PEG3: variants seen among roughly 807,000 people sequenced by gnomAD.
The protein encoded by PEG3 is paternally expressed 3.
Under a neutral mutation model 35.5 loss-of-function variants are expected in PEG3, and 23 were observed. The ratio of observed to expected loss-of-function variants is 0.65; its 90% CI spans 0.47 to 0.92. The LOEUF (loss-of-function observed/expected upper bound fraction) is 0.92, where lower values mean the gene tolerates loss of function less well. Ranked by LOEUF, PEG3 falls within the 40% of genes least tolerant of loss-of-function variation. The pLI is 0.00. For synonymous variants in PEG3, 707 were observed against 697.0 expected, an observed-to-expected ratio of 1.01 and a Z score of -0.23; for missense variants, 1,960 against 1,985.3, an observed-to-expected ratio of 0.99 and a Z score of 0.24.
chr19:56,815,928 T>C lies in PEG3; in HGVS notation c.2514A>G (p.Leu838=). 6.2e-7 allele frequency: 1 copy of C among 1,607,434 alleles called. No homozygotes were observed. The highest frequency in any genetic ancestry group is 8.5e-7 in the Non-Finnish European group (1 of 1,176,622). ...REYSRSVIHS[L]VASKPPRSHN... is the part of the protein sequence containing the mutation. ...GACTTCTTGGAGGTTTGGAAGCCAC[T>C]AAGCTATGGATAACAGACCTACTGT... The change falls in exon 10 of 10, where the codon TTA becomes TTG. Residue 838 remains leucine, a synonymous_variant. Transcript: ENST00000326441.
rs2059517002 is a variant in PEG3, at chr19:56,811,175, A to T, written c.*2500T>A. The stretch of plus-strand genomic sequence containing the variant: ...AAATTATGTTCACAATGAAAATGTG[A>T]TCATAAACTTTTTAGTAACACTACC... On this transcript the variant is annotated 3_prime_UTR_variant, in exon 10 of 10. Coordinates refer to ENST00000326441, the MANE Select transcript of PEG3 (RefSeq NM_006210.3). 10 of 977,014 alleles carry T rather than the reference A, an allele frequency of 1.0e-5. No homozygotes were observed. Among genetic ancestry groups the T allele is most frequent in the Non-Finnish European group, 1.1e-5 (9 of 822,320 alleles). 60.5% of individuals were successfully genotyped at this position (977,014 alleles called of 1,614,324 possible).
chr19:56,825,752 A>C (rs887431738), intron 3 of PEG3, among the ~76,000 whole-genome samples: 1 of 152,234 alleles, frequency 6.6e-6, no homozygotes, highest in African/African-American at 2.4e-5. Flanking sequence ...AGAAGAAAAA[A>C]AACCATATGC....
rs746725182 is a variant in PEG3, at chr19:56,817,215, G to A, written c.1227C>T (p.Gly409=). The A allele has an allele frequency of 6.2e-7, 1 of 1,614,032 alleles. No homozygotes were observed. Among genetic ancestry groups the A allele is most frequent in the African/African-American group, 1.3e-5 (1 of 74,926 alleles). Residue 409 remains glycine (G), a synonymous_variant, in exon 10 of 10, where the codon GGC becomes GGT. Coordinates refer to ENST00000326441, the MANE Select transcript of PEG3 (RefSeq NM_006210.3). ...DGKGSIHDQK[G]CPRKKPFECG... The stretch of plus-strand genomic sequence containing the variant: ...ATTCAAAGGGCTTCTTCCTGGGACA[G>A]CCTTTTTGATCGTGAATCGAGCCCT...
chr19:56,839,720 CCA>C (rs1318500989), intron 1 of PEG3, among the ~76,000 whole-genome samples: 3 of 152,198 alleles, frequency 2.0e-5, no homozygotes, highest in African/African-American at 7.2e-5. Flanking sequence ...CCAATGCAAC[CCA>C]CAGTCATTCA....
At chr19:56,819,998 A>G (rs1428426834) in intron 7 of PEG3, among the ~76,000 whole-genome samples, 1 of 152,246 alleles carries the variant, frequency 6.6e-6, no homozygotes, top group African/African-American at 2.4e-5. Flanking sequence ...GCAAGGAAAC[A>G]CAGCAGAGCT....
At position 56,815,104 on chromosome 19, in the gene PEG3, C is replaced by A. The variant is rs2059850445; in HGVS notation, c.3338G>T (p.Gly1113Val). 12 of 1,613,734 alleles carry A rather than the reference C, an allele frequency of 7.4e-6. No homozygotes were observed. Among genetic ancestry groups the A allele is most frequent in the Non-Finnish European group, 8.5e-6 (10 of 1,179,788 alleles). The change falls in exon 10 of 10, where the codon GGC becomes GTC. Residue 1113 changes from glycine (G) to valine (V), a missense_variant. This residue lies in a region of PEG3 where 124 missense variants were observed against 179.6 expected (regional missense o/e 0.69). Transcript: ENST00000326441. ...GTCTGTGAGATCCACAAAGCCCAGGCCACAGTCCTCACATTCATAGATTTT... is the reference window on the plus strand; with the variant it reads ...GTCTGTGAGATCCACAAAGCCCAGGACACAGTCCTCACATTCATAGATTTT... ...DDKIYECEDC[G>V]LGFVDLTDLT...
At chr19:56,830,018 G>A (rs1300774202) in intron 2 of PEG3, among the ~76,000 whole-genome samples, 2 of 152,176 alleles carry the variant, frequency 1.3e-5, no homozygotes, top group Non-Finnish European at 2.9e-5. Flanking sequence ...AAGCTGAGGA[G>A]TTAATCTGCC....
chr19:56,811,388 C>T lies in PEG3; in HGVS notation c.*2287G>A, dbSNP rs970345229. 5 of 865,346 alleles carry T rather than the reference C, an allele frequency of 5.8e-6. No homozygotes were observed. In the Admixed American group the frequency reaches 1.9e-4, roughly 32 times the overall value. 53.6% of individuals were successfully genotyped at this position (865,346 alleles called of 1,614,324 possible). A position where few individuals can be genotyped will look rare whatever the true frequency, so the allele number is the denominator to read the frequency against. ...TATAACTGTAGTATAAATATACTTT[C>T]GTGTCCTGCTTTCTCCACTTAATGT... is the stretch of plus-strand genomic sequence containing the variant. On this transcript the variant is annotated 3_prime_UTR_variant, in exon 10 of 10. Coordinates refer to ENST00000326441, the MANE Select transcript of PEG3 (RefSeq NM_006210.3).
chr19:56,836,213 A>G, intron 1 of PEG3, 109 bp from the exon 2 acceptor site: 1 of 369,612 alleles, frequency 2.7e-6, no homozygotes, highest in Non-Finnish European at 5.4e-6. Context: ...ATGATGGCAC[A>G]GGTCAAATGA....
intron 5 of PEG3, 142 bp downstream of exon 5, chr19:56,823,451 C>T: frequency 4.8e-6 from 4 of 831,084 alleles, no homozygotes; most frequent in South Asian, 1.7e-5. Context: ...ATTAATTTAC[C>T]CTCTCCTCAG....
At chr19:56,834,248 C>T (rs2061857067) in intron 2 of PEG3, among the ~76,000 whole-genome samples, 2 of 152,122 alleles carry the variant, frequency 1.3e-5, no homozygotes, top group South Asian at 4.1e-4. Context: ...TCTCATCAGA[C>T]CTAACTTGAA....
Position 56,812,610 on chromosome 19 carries a change from G to T in PEG3, c.*1065C>A. 1 of 985,734 alleles carries T rather than the reference G, an allele frequency of 1.0e-6. No individual in the cohort carries two copies. Among genetic ancestry groups the T allele is most frequent in the Non-Finnish European group, 1.2e-6 (1 of 829,904 alleles). 61.1% of individuals were successfully genotyped at this position (985,734 alleles called of 1,614,324 possible). A position where few individuals can be genotyped will look rare whatever the true frequency, so the allele number is the denominator to read the frequency against. Reference sequence around the variant, plus strand: ...TGTTGCTACTTGTCACTTAAGGCAGGAAGCGCACAAAGGAAGTGATGAAAG... The same window carrying T: ...TGTTGCTACTTGTCACTTAAGGCAGTAAGCGCACAAAGGAAGTGATGAAAG... On this transcript the variant is annotated 3_prime_UTR_variant, in exon 10 of 10. Transcript: ENST00000326441.
chr19:56,818,990 AAAC>A (rs1439863239), intron 7 of PEG3, among the ~76,000 whole-genome samples: 1 of 152,204 alleles, frequency 6.6e-6, no homozygotes, highest in African/African-American at 2.4e-5. Context: ...AGAGAACAAT[AAAC>A]AATAAATCGG....
chr19:56,812,695 A>C lies in PEG3; in HGVS notation c.*980T>G. Reference sequence around the variant, plus strand: ...GCCTCTCCTACGGTTCTCAACCTTCATTAGGCACTACTGTGATCTAGTGAT... The same window carrying C: ...GCCTCTCCTACGGTTCTCAACCTTCCTTAGGCACTACTGTGATCTAGTGAT... On this transcript the variant is annotated 3_prime_UTR_variant, in exon 10 of 10. Coordinates refer to ENST00000326441, the MANE Select transcript of PEG3 (RefSeq NM_006210.3). The C allele has an allele frequency of 2.0e-6, 2 of 985,312 alleles. No individual in the cohort carries two copies. Among genetic ancestry groups the C allele is most frequent in the African/African-American group, 3.5e-5 (2 of 57,344 alleles). 61.0% of individuals were successfully genotyped at this position (985,312 alleles called of 1,614,324 possible).
At chr19:56,834,300 G>T (rs538394879) in intron 2 of PEG3, among the ~76,000 whole-genome samples, 17 of 152,214 alleles carry the variant, frequency 1.1e-4, no homozygotes, top group African/African-American at 3.6e-4. Context: ...AGGGGCTTCC[G>T]ATATCTTGGT....
intron 4 of PEG3, among the ~76,000 whole-genome samples, chr19:56,824,031 T>C (rs1410847652): frequency 6.6e-6 from 1 of 152,122 alleles, no homozygotes; most frequent in Admixed American, 6.5e-5. Context: ...GGTTCTGCAC[T>C]AGGGAGGTTT....
chr19:56,811,289 T>C lies in PEG3; in HGVS notation c.*2386A>G, dbSNP rs1396217148. On this transcript the variant is annotated 3_prime_UTR_variant, in exon 10 of 10. Transcript: ENST00000326441. ...ACAACAGCTTTTGACTATAAGCATA[T>C]ATATTTTTAAACAGTTATAATGAAC... 1.1e-6 allele frequency: 1 copy of C among 919,234 alleles called. No homozygotes were observed. Among genetic ancestry groups the C allele is most frequent in the Non-Finnish European group, 1.3e-6 (1 of 769,672 alleles). 56.9% of individuals were successfully genotyped at this position (919,234 alleles called of 1,614,324 possible). A position where few individuals can be genotyped will look rare whatever the true frequency, so the allele number is the denominator to read the frequency against.
chr19:56,830,751 C>G (rs972274032), intron 2 of PEG3, among the ~76,000 whole-genome samples: 1 of 151,302 alleles, frequency 6.6e-6, no homozygotes, highest in African/African-American at 2.5e-5. Context: ...CAACTTCAAA[C>G]AAAATTTCAA....
intron 7 of PEG3, among the ~76,000 whole-genome samples, chr19:56,819,986 G>A (rs2060326064): frequency 6.6e-6 from 1 of 152,140 alleles, no homozygotes; most frequent in Non-Finnish European, 1.5e-5. Flanking sequence ...AAACTAAGTA[G>A]GGCAAGGAAA....
Sources: allele counts gnomAD v4.1 joint callset (sites outside exome capture counted in the v4.1 genomes callset), GRCh38; gene constraint gnomAD v4.1.1; regional missense constraint gnomAD v4.1.1; transcripts MANE v1.5; gene names NCBI Gene and HGNC (gene_info 2026-07-23, HGNC 2026-07-21).